Variants in NT5DC4 observed in about 807,000 individuals in gnomAD.
The protein encoded by NT5DC4 is 5'-nucleotidase domain containing 4.
Under a neutral mutation model 26.6 loss-of-function variants are expected in NT5DC4, and 44 were observed. The observed-to-expected ratio is 1.65, with a 90% confidence interval of 1.30 to 2.13. The LOEUF (loss-of-function observed/expected upper bound fraction) is 2.13. Ranked by LOEUF, NT5DC4 falls within the 30% of genes most tolerant of loss-of-function variation. The pLI, the probability that NT5DC4 is intolerant of heterozygous loss-of-function variation, is 0.00. For missense variants in NT5DC4, 399 were observed against 228.1 expected (o/e 1.75, Z -4.83); for synonymous variants, 157 against 86.7 (o/e 1.81, Z -4.51).
chr2:112,735,482 TCCC>T (rs60511460), intron 16 of NT5DC4, among the ~76,000 whole-genome samples: 2 of 127,254 alleles, frequency 1.6e-5, no homozygotes, highest in African/African-American at 5.0e-5. Context: ...TATATAATCC[TCCC>T]CCCCCTTTTT....
intron 15 of NT5DC4, among the ~76,000 whole-genome samples, chr2:112,729,210 C>G (rs1229528229): frequency 6.6e-6 from 1 of 152,190 alleles, no homozygotes; most frequent in Non-Finnish European, 1.5e-5. Context: ...GCAACCTCCA[C>G]CTCCCGGGTT....
At chr2:112,736,105 A>C (rs1679125616) in intron 16 of NT5DC4, among the ~76,000 whole-genome samples, 1 of 152,048 alleles carries the variant, frequency 6.6e-6, no homozygotes, top group Non-Finnish European at 1.5e-5. Context: ...GCCAGAAAAA[A>C]AGTAAGTGCA....
chr2:112,742,537 T>C, downstream of NT5DC4: 1 of 710,300 alleles, frequency 1.4e-6, no homozygotes, highest in Non-Finnish European at 2.6e-6. Context: ...TTACTTGTAA[T>C]AATACAAATA....
At chr2:112,727,722 T>C (rs1418932639) in intron 15 of NT5DC4, among the ~76,000 whole-genome samples, 3 of 152,134 alleles carry the variant, frequency 2.0e-5, no homozygotes, top group Admixed American at 1.3e-4. Context: ...GAGGCCAGGG[T>C]TGCCCAGAAA....
intron 3 of NT5DC4, 25 bp from the exon 4 acceptor site, chr2:112,722,158 G>A: frequency 3.4e-6 from 2 of 588,754 alleles, no homozygotes; most frequent in Non-Finnish European, 6.2e-6. Context: ...CCCACCCACA[G>A]TGCCCCCCGA....
At chr2:112,720,716 G>A (rs1302487491), upstream of NT5DC4, among the ~76,000 whole-genome samples, 1 of 152,186 alleles carries the variant, frequency 6.6e-6, no homozygotes, top group Non-Finnish European at 1.5e-5. Context: ...CTTTTATCAT[G>A]AGTACAGTAC....
At position 112,725,170 on chromosome 2, in the gene NT5DC4, C is replaced by T; in HGVS notation, c.916-4C>T. 1.4e-6 allele frequency: 1 copy of T among 715,702 alleles called. No homozygotes were observed. Among genetic ancestry groups the T allele is most frequent in the Non-Finnish European group, 2.6e-6 (1 of 383,824 alleles). 44.3% of individuals were successfully genotyped at this position (715,702 alleles called of 1,614,324 possible). ...GGCTCCAGGGCACCCCTCTGCCCCT[C>T]CAGGACTCAGGAAAGCTCCACGTGG... On this transcript the variant is annotated splice_region_variant and splice_polypyrimidine_tract_variant and intron_variant, in intron 11 of 16. Transcript: ENST00000688554.
At chr2:112,740,373 A>G (rs17042312), downstream of NT5DC4, among the ~76,000 whole-genome samples, 4,985 of 152,310 alleles carry the variant, frequency 0.033, 275 homozygotes, top group African/African-American at 0.11. Flanking sequence ...GCCCTGACAT[A>G]GCTCCTTAAA....
At chr2:112,729,579 C>T (rs558098184) in intron 15 of NT5DC4, 48 bp from the exon 16 acceptor site, 17 of 717,044 alleles carry the variant, frequency 2.4e-5, no homozygotes, top group Admixed American at 1.4e-4. Flanking sequence ...CCTGGAAGGC[C>T]GTACCCGGGA....
intron 9 of NT5DC4, 37 bp from the exon 10 acceptor site, chr2:112,724,057 C>A (rs1181818951): frequency 1.4e-6 from 1 of 716,978 alleles, no homozygotes; most frequent in African/African-American, 1.7e-5. Flanking sequence ...GGTGGTGGCC[C>A]AAGCTTGGTG....
chr2:112,721,869 C>T lies in NT5DC4; in HGVS notation c.126C>T (p.Phe42=), dbSNP rs1159463075. ...LALGKIRCFG[F]DMDYTLAAYK... ...TGGGGAAGATTCGTTGCTTTGGCTT[C>T]GACATGGACTACACTCTGGCTGGTA... The change falls in exon 2 of 17, where the codon TTC becomes TTT. Residue 42 remains phenylalanine (F), a synonymous_variant. Coordinates refer to ENST00000688554, the MANE Select transcript of NT5DC4 (RefSeq NM_001393655.1). The T allele has an allele frequency of 9.8e-6, 7 of 717,222 alleles. No homozygotes were observed. The highest frequency in any genetic ancestry group is 3.5e-5 in the African/African-American group (2 of 57,244). The allele number at this position is 717,222 out of a possible 1,614,324, so 44.4% of individuals were successfully genotyped here. A position where few individuals can be genotyped will look rare whatever the true frequency, so the allele number is the denominator to read the frequency against.
chr2:112,726,539 T>C, intron 14 of NT5DC4, 139 bp from the exon 15 acceptor site: 1 of 687,820 alleles, frequency 1.5e-6, no homozygotes, highest in Non-Finnish European at 2.7e-6. Flanking sequence ...CTCGCACGCA[T>C]GCACACACCC....
downstream of NT5DC4, chr2:112,742,352 T>A (rs555508962): frequency 4.2e-6 from 3 of 716,756 alleles, no homozygotes; most frequent in Non-Finnish European, 5.2e-6. Context: ...TAGATGAGTA[T>A]GTTGGTGGGT....
At chr2:112,729,422 T>C (rs1678195244) in intron 15 of NT5DC4, among the ~76,000 whole-genome samples, 1 of 152,150 alleles carries the variant, frequency 6.6e-6, no homozygotes, top group African/African-American at 2.4e-5. Flanking sequence ...GCGCCTGGCC[T>C]TGGCCTGGGA....
intron 16 of NT5DC4, chr2:112,737,321 C>T (rs1389941782): frequency 6.6e-6 from 1 of 152,170 alleles, no homozygotes; most frequent in Non-Finnish European, 1.5e-5. Context: ...TCCATAACGG[C>T]TGCCCCAGTC....
chr2:112,724,341 TAGG>T, intron 10 of NT5DC4: 1 of 604,674 alleles, frequency 1.7e-6, no homozygotes, highest in Non-Finnish European at 3.0e-6. Context: ...TTGGGGGTGA[TAGG>T]AGGCAGTCAG....
chr2:112,721,156 G>A lies in NT5DC4; in HGVS notation c.74+3G>A, dbSNP rs1234004570. Among the ~76,000 whole-genome samples the A allele has an allele frequency of 3.3e-5, 5 of 152,226 alleles. No homozygotes were observed. The East Asian group carries it at 9.6e-4, about 29-fold the overall frequency. On this transcript the variant is annotated splice_donor_region_variant and intron_variant, in intron 1 of 16. Coordinates refer to ENST00000688554, the MANE Select transcript of NT5DC4 (RefSeq NM_001393655.1). ...CCGAAGCAGGACTGGCACCAGCGGT[G>A]AGATGGGCACCTGGGGTGGGGGCCA... is the stretch of plus-strand genomic sequence containing the variant.
At chr2:112,737,991 C>A (rs375252836) in intron 16 of NT5DC4, 5 of 152,036 alleles carry the variant, frequency 3.3e-5, no homozygotes, top group African/African-American at 9.7e-5. Context: ...AAGGTAAAAC[C>A]TTTCCACAAA....
chr2:112,726,397 A>G lies in NT5DC4; in HGVS notation c.1205+108A>G, dbSNP rs921968543. ...AGGTCCCGGCCAAGGTTGTCAGAAC[A>G]TCAAGATCTGTTTCAGGCTGGGCTT... On this transcript the variant is annotated intron_variant, in intron 14 of 16. Transcript: ENST00000688554. The G allele has an allele frequency of 5.7e-6, 4 of 697,646 alleles. No individual in the cohort carries two copies. In the African/African-American group the frequency reaches 7.0e-5, roughly 12 times the overall value. 43.2% of individuals were successfully genotyped at this position (697,646 alleles called of 1,614,324 possible).
Sources: gnomAD v4.1 joint callset for allele counts (sites outside exome capture counted in the v4.1 genomes callset) on GRCh38, gnomAD v4.1.1 for gene constraint, MANE v1.5 for transcripts, NCBI Gene and HGNC (gene_info 2026-07-23, HGNC 2026-07-21) for gene names.